RBFOX1: variants seen among roughly 807,000 people sequenced by gnomAD.
RBFOX1 encodes the protein RNA binding protein fox-1 homolog 1.
Under a neutral mutation model 57.7 loss-of-function variants are expected in RBFOX1, and 8 were observed. That is an observed-to-expected ratio of 0.14 (90% CI 0.08 to 0.25). The LOEUF is 0.25. Among genes scored for constraint, RBFOX1 ranks in the 10% least tolerant of loss-of-function variants. The pLI is 1.00. For synonymous variants in RBFOX1, 326 were observed against 222.4 expected (o/e 1.47, Z -4.15); for missense variants, 611 against 548.5 (o/e 1.11, Z -1.14).
chr16:6,383,185 TTTC>T (rs747600441), intron 2 of RBFOX1, among the ~76,000 whole-genome samples: 2 of 152,356 alleles, frequency 1.3e-5, no homozygotes, highest in East Asian at 3.9e-4. Context: ...AAGATCTGGC[TTTC>T]TTCTTGTTAA....
intron 1 of RBFOX1, among the ~76,000 whole-genome samples, chr16:5,404,361 C>G (rs1269518979): frequency 6.6e-6 from 1 of 152,108 alleles, no homozygotes; most frequent in Non-Finnish European, 1.5e-5. Context: ...GGAGTCCCTC[C>G]AAATGATGAA....
At chr16:6,893,554 C>T (rs1414002829) in intron 3 of RBFOX1, among the ~76,000 whole-genome samples, 1 of 152,092 alleles carries the variant, frequency 6.6e-6, no homozygotes, top group Non-Finnish European at 1.5e-5. Flanking sequence ...CAAACCAAGT[C>T]CATGAGCCCC....
At chr16:6,618,227 A>G (rs1178032190) in intron 2 of RBFOX1, among the ~76,000 whole-genome samples, 2 of 152,186 alleles carry the variant, frequency 1.3e-5, no homozygotes, top group African/African-American at 2.4e-5. Context: ...CATCACTGAT[A>G]CTTAACAGTT....
At chr16:5,446,312 G>A (rs1237702163) in intron 1 of RBFOX1, among the ~76,000 whole-genome samples, 3 of 152,008 alleles carry the variant, frequency 2.0e-5, no homozygotes, top group South Asian at 2.1e-4. Context: ...CAGAAGACCC[G>A]AAAAAGGAAG....
chr16:7,021,593 ATATTT>A (rs1024764888), intron 3 of RBFOX1, among the ~76,000 whole-genome samples: 2,680 of 144,952 alleles, frequency 0.018, 78 homozygotes, highest in African/African-American at 0.06. Context: ...TAAAAGTAAA[ATATTT>A]TATTTTTTAT....
rs1601423365 is a variant in RBFOX1, at chr16:7,543,576, C to T, written c.270+25187C>T. ...CTGTGGTGACACAACTGATTGAATC[C>T]AGTCTTAGGCATATTAAAATTGAGA... On this transcript the variant is annotated intron_variant, in intron 5 of 15. Coordinates refer to ENST00000550418, the MANE Select transcript of RBFOX1 (RefSeq NM_018723.4). 1.3e-5 allele frequency among the ~76,000 whole-genome samples: 2 copies of T among 151,994 alleles called. 1 individual carries two copies. The highest frequency in any genetic ancestry group is 6.8e-3 in the Middle Eastern group (2 of 294).
At chr16:5,714,472 C>A (rs2051613423) in intron 3 of RBFOX1, among the ~76,000 whole-genome samples, 2 of 152,280 alleles carry the variant, frequency 1.3e-5, no homozygotes, top group Non-Finnish European at 1.5e-5. Flanking sequence ...AGCTGGCCAG[C>A]ATCAGACATG....
intron 3 of RBFOX1, among the ~76,000 whole-genome samples, chr16:6,664,492 A>G (rs928481483): frequency 6.6e-6 from 1 of 152,160 alleles, no homozygotes; most frequent in Non-Finnish European, 1.5e-5. Context: ...GAACTTGTGG[A>G]TGGGATCTTG....
At chr16:7,055,161 G>A (rs374003789) in intron 4 of RBFOX1, among the ~76,000 whole-genome samples, 2 of 152,058 alleles carry the variant, frequency 1.3e-5, no homozygotes, top group Non-Finnish European at 2.9e-5. Context: ...TTTAACTGCA[G>A]GTCTTCTCAT....
chr16:6,865,964 T>A (rs767637542), intron 3 of RBFOX1, among the ~76,000 whole-genome samples: 1 of 152,082 alleles, frequency 6.6e-6, no homozygotes, highest in East Asian at 1.9e-4. Flanking sequence ...CTAAATCACA[T>A]AAGAAATGCA....
At chr16:7,374,727 C>T (rs1183109074) in intron 4 of RBFOX1, among the ~76,000 whole-genome samples, 1 of 151,892 alleles carries the variant, frequency 6.6e-6, no homozygotes, top group African/African-American at 2.4e-5. Context: ...CGGTCCCCTT[C>T]TTGTGCTCCC....
At chr16:6,183,324 CA>C (rs898216976) in intron 1 of RBFOX1, among the ~76,000 whole-genome samples, 1 of 151,316 alleles carries the variant, frequency 6.6e-6, no homozygotes, top group Non-Finnish European at 1.5e-5. Flanking sequence ...ACTAAAAATA[CA>C]AAAAATTAGC....
chr16:5,660,368 C>T (rs776376207), intron 3 of RBFOX1, among the ~76,000 whole-genome samples: 4 of 152,230 alleles, frequency 2.6e-5, no homozygotes, highest in Non-Finnish European at 5.9e-5. Flanking sequence ...TGGTAGAGTC[C>T]GGTGACTATG....
intron 2 of RBFOX1, among the ~76,000 whole-genome samples, chr16:6,457,542 A>G (rs1320753131): frequency 6.6e-6 from 1 of 151,448 alleles, no homozygotes; most frequent in East Asian, 1.9e-4. Context: ...CTATAACTTT[A>G]ATCATCTGAG....
intron 4 of RBFOX1, among the ~76,000 whole-genome samples, chr16:7,502,372 C>A (rs1025559565): frequency 6.6e-6 from 1 of 152,136 alleles, no homozygotes; most frequent in Non-Finnish European, 1.5e-5. Context: ...GTAAGAAAAT[C>A]GAATAATTAA....
intron 4 of RBFOX1, among the ~76,000 whole-genome samples, chr16:7,384,914 T>G (rs894975223): frequency 1.3e-5 from 2 of 152,170 alleles, no homozygotes; most frequent in Non-Finnish European, 2.9e-5. Context: ...GCAAGTCAGA[T>G]AATTAAAACA....
intron 3 of RBFOX1, among the ~76,000 whole-genome samples, chr16:6,655,529 A>T (rs887542357): frequency 2.0e-5 from 3 of 152,048 alleles, no homozygotes; most frequent in African/African-American, 4.8e-5. Context: ...TCACCCATTT[A>T]TCTTCTTTGC....
At chr16:5,511,302 G>C (rs1426767406) in intron 2 of RBFOX1, among the ~76,000 whole-genome samples, 1 of 152,204 alleles carries the variant, frequency 6.6e-6, no homozygotes, top group East Asian at 1.9e-4. Context: ...CAAAAGCTAA[G>C]AGGAATGTGC....
At chr16:6,579,221 T>C (rs2097495953) in intron 2 of RBFOX1, among the ~76,000 whole-genome samples, 1 of 152,152 alleles carries the variant, frequency 6.6e-6, no homozygotes, top group African/African-American at 2.4e-5. Flanking sequence ...TTTTTGTTTT[T>C]GAGAAAAGGT....
Sources: gnomAD v4.1 joint callset for allele counts (sites outside exome capture counted in the v4.1 genomes callset) on GRCh38, gnomAD v4.1.1 for gene constraint, MANE v1.5 for transcripts, NCBI Gene and HGNC (gene_info 2026-07-23, HGNC 2026-07-21) for gene names.